ENTREP2: variants seen among roughly 807,000 people sequenced by gnomAD.
ENTREP2 encodes the protein protein ENTREP2.
the ENTREP2 span, among the ~76,000 whole-genome samples, chr15:29,591,125 T>C: frequency 2.0e-5 from 3 of 152,234 alleles, no homozygotes; most frequent in African/African-American, 7.2e-5. Context: ...AAAAACACTG[T>C]AATGTACCAA....
chr15:29,267,816 G>A, the ENTREP2 span: 1 of 152,016 alleles, frequency 6.6e-6, no homozygotes, highest in Non-Finnish European at 1.5e-5. Context: ...TCCACATCAC[G>A]GACTAAAACC....
At chr15:29,623,258 A>G in the ENTREP2 span, among the ~76,000 whole-genome samples, 4 of 152,286 alleles carry the variant, frequency 2.6e-5, no homozygotes, top group African/African-American at 9.6e-5. Flanking sequence ...TGAGCGAGGA[A>G]AAGCTTGGCA....
At chr15:29,334,299 G>A in the ENTREP2 span, among the ~76,000 whole-genome samples, 2 of 152,158 alleles carry the variant, frequency 1.3e-5, no homozygotes, top group African/African-American at 4.8e-5. Flanking sequence ...CCTGACTCAT[G>A]GGAACCCCCA....
At chr15:29,511,038 C>T in the ENTREP2 span, among the ~76,000 whole-genome samples, 2 of 151,986 alleles carry the variant, frequency 1.3e-5, no homozygotes, top group South Asian at 2.1e-4. Flanking sequence ...TGGGGCCTGT[C>T]GGTGCGGTGG....
chr15:29,663,759 T>A, the ENTREP2 span, among the ~76,000 whole-genome samples: 1 of 151,990 alleles, frequency 6.6e-6, no homozygotes, highest in Admixed American at 6.6e-5. Context: ...ATATACCCAA[T>A]GTAAATGCCA....
chr15:29,291,378 C>T, the ENTREP2 span, among the ~76,000 whole-genome samples: 1 of 152,200 alleles, frequency 6.6e-6, no homozygotes, highest in African/African-American at 2.4e-5. Context: ...CTGTCTGCTA[C>T]TGGGGTCAGA....
the ENTREP2 span, among the ~76,000 whole-genome samples, chr15:29,480,654 T>C: frequency 2.0e-5 from 3 of 152,060 alleles, no homozygotes; most frequent in East Asian, 3.9e-4. Context: ...GAGGAACGTC[T>C]AGGAGGGGGA....
At chr15:29,603,864 C>T in the ENTREP2 span, among the ~76,000 whole-genome samples, 193 of 152,166 alleles carry the variant, frequency 1.3e-3, no homozygotes, top group African/African-American at 4.5e-3. Context: ...GTCTTGAACT[C>T]GTGACCTCAG....
chr15:29,132,987 G>A, the ENTREP2 span, among the ~76,000 whole-genome samples: 1 of 152,162 alleles, frequency 6.6e-6, no homozygotes, highest in Non-Finnish European at 1.5e-5. Flanking sequence ...CGCGCCACAA[G>A]GCAGCCATGG....
At chr15:29,318,635 C>G in the ENTREP2 span, among the ~76,000 whole-genome samples, 40 of 152,232 alleles carry the variant, frequency 2.6e-4, no homozygotes, top group African/African-American at 9.6e-4. Flanking sequence ...AAGGTATGTA[C>G]ACTTTTTAAA....
At chr15:29,430,030 C>A in the ENTREP2 span, among the ~76,000 whole-genome samples, 1 of 152,214 alleles carries the variant, frequency 6.6e-6, no homozygotes, top group Non-Finnish European at 1.5e-5. Context: ...GTGTTACAGA[C>A]CTCAACCACC....
chr15:29,599,031 C>T, the ENTREP2 span, among the ~76,000 whole-genome samples: 1 of 152,170 alleles, frequency 6.6e-6, no homozygotes, highest in Non-Finnish European at 1.5e-5. Context: ...TCCAAGGGTA[C>T]TTCCTCATCC....
At chr15:29,249,632 C>A in the ENTREP2 span, among the ~76,000 whole-genome samples, 1 of 151,220 alleles carries the variant, frequency 6.6e-6, no homozygotes, top group Non-Finnish European at 1.5e-5. Flanking sequence ...AGGAGCATAC[C>A]TTTTATGTGT....
chr15:29,667,455 T>C, the ENTREP2 span, among the ~76,000 whole-genome samples: 40 of 150,592 alleles, frequency 2.7e-4, no homozygotes, highest in East Asian at 7.9e-3. Flanking sequence ...CCCAAAGTTC[T>C]GGGATTACAG....
the ENTREP2 span, among the ~76,000 whole-genome samples, chr15:29,603,461 T>C: frequency 4.6e-5 from 7 of 151,934 alleles, no homozygotes; most frequent in African/African-American, 1.4e-4. Flanking sequence ...GACGAGGTGA[T>C]AGAAACAGAA....
At chr15:29,118,744 C>G in the ENTREP2 span, among the ~76,000 whole-genome samples, 9 of 152,232 alleles carry the variant, frequency 5.9e-5, no homozygotes, top group Non-Finnish European at 1.3e-4. Context: ...AGCACCCTGT[C>G]TGCACCTGTG....
chr15:29,267,610 T>C, the ENTREP2 span: 1 of 152,118 alleles, frequency 6.6e-6, no homozygotes, highest in East Asian at 1.9e-4. Context: ...TTATGTTCTA[T>C]GTGGGGCACA....
chr15:29,222,292 C>A, the ENTREP2 span, among the ~76,000 whole-genome samples: 323 of 152,212 alleles, frequency 2.1e-3, no homozygotes, highest in African/African-American at 7.3e-3. Context: ...CAGGAAGTTA[C>A]CCTATATGGT....
At chr15:29,269,634 G>A in the ENTREP2 span, 1 of 1,572,592 alleles carries the variant, frequency 6.4e-7, no homozygotes, top group Non-Finnish European at 8.6e-7. Context: ...CGGGGTTTCC[G>A]CTATGGCTCC....
Sources: gnomAD v4.1 joint callset for allele counts (sites outside exome capture counted in the v4.1 genomes callset) on GRCh38, gnomAD v4.1.1 for gene constraint, MANE v1.5 for transcripts, NCBI Gene and HGNC (gene_info 2026-07-23, HGNC 2026-07-21) for gene names.